The following ARHGEF26 variants were observed in gnomAD, a reference collection of about 807,000 sequenced individuals.
ARHGEF26 encodes the protein Rho guanine nucleotide exchange factor (GEF) 26.
Under a neutral mutation model 89.4 loss-of-function variants are expected in ARHGEF26, and 59 were observed. That is an observed-to-expected ratio of 0.66 (90% confidence interval 0.54 to 0.82). The LOEUF (loss-of-function observed/expected upper bound fraction) is 0.82. Among genes scored for constraint, ARHGEF26 ranks in the 40% least tolerant of loss-of-function variants. The pLI, the probability that ARHGEF26 is intolerant of heterozygous loss-of-function variation, is 0.00. For synonymous variants in ARHGEF26, 500 were observed against 428.4 expected, an observed-to-expected ratio of 1.17 and a Z score of -2.06; for missense variants, 1,234 against 1,085.6, an observed-to-expected ratio of 1.14 and a Z score of -1.92.
At chr3:154,131,103 A>G (rs1049828702) in intron 4 of ARHGEF26, among the ~76,000 whole-genome samples, 1 of 152,182 alleles carries the variant, frequency 6.6e-6, no homozygotes, top group Non-Finnish European at 1.5e-5. Flanking sequence ...CCTTATGATT[A>G]TGCCAAAAAT....
At chr3:154,164,312 G>A (rs1378755583) in intron 6 of ARHGEF26, among the ~76,000 whole-genome samples, 3 of 151,960 alleles carry the variant, frequency 2.0e-5, no homozygotes, top group African/African-American at 4.8e-5. Flanking sequence ...TATTAATTCA[G>A]TATATTATTA....
At chr3:154,204,246 T>C (rs1714856718) in intron 9 of ARHGEF26, among the ~76,000 whole-genome samples, 2 of 150,826 alleles carry the variant, frequency 1.3e-5, no homozygotes, top group Admixed American at 1.3e-4. Flanking sequence ...TATGGGAATT[T>C]TCCATTTCCT....
chr3:154,208,650 T>G (rs538056883), intron 9 of ARHGEF26, among the ~76,000 whole-genome samples: 9 of 152,116 alleles, frequency 5.9e-5, no homozygotes, highest in Admixed American at 4.6e-4. Context: ...TTCTGTTATC[T>G]CCTCTGACTG....
chr3:154,138,592 A>G (rs1173904999), intron 4 of ARHGEF26, among the ~76,000 whole-genome samples: 2 of 152,194 alleles, frequency 1.3e-5, no homozygotes, highest in African/African-American at 4.8e-5. Flanking sequence ...GCCCGAGGGT[A>G]GGCAGAGATC....
intron 9 of ARHGEF26, among the ~76,000 whole-genome samples, chr3:154,197,609 C>T (rs1714370847): frequency 6.6e-6 from 1 of 152,128 alleles, no homozygotes; most frequent in Non-Finnish European, 1.5e-5. Flanking sequence ...AGTTTATTTG[C>T]AAGATGCGAA....
chr3:154,149,936 A>AAC (rs1434520775), intron 5 of ARHGEF26, among the ~76,000 whole-genome samples: 1 of 151,836 alleles, frequency 6.6e-6, no homozygotes, highest in East Asian at 1.9e-4. Context: ...AAAAAAAAAA[A>AAC]AAACAGGTTA....
intron 4 of ARHGEF26, among the ~76,000 whole-genome samples, chr3:154,141,683 T>G (rs965653623): frequency 6.6e-6 from 1 of 152,240 alleles, no homozygotes; most frequent in Non-Finnish European, 1.5e-5. Context: ...AACCAGTATG[T>G]GTGTCTGAAT....
chr3:154,147,196 G>A (rs1719753561), intron 4 of ARHGEF26, among the ~76,000 whole-genome samples: 1 of 152,166 alleles, frequency 6.6e-6, no homozygotes, highest in South Asian at 2.1e-4. Context: ...CCTGAGGTCA[G>A]GAGTTCCAGA....
chr3:154,244,312 A>G (rs1717664428), intron 12 of ARHGEF26, among the ~76,000 whole-genome samples: 1 of 152,214 alleles, frequency 6.6e-6, no homozygotes, highest in South Asian at 2.1e-4. Context: ...TCAACTTCAT[A>G]AGACAGTGAA....
chr3:154,157,665 T>C (rs1711499264), intron 6 of ARHGEF26, among the ~76,000 whole-genome samples: 1 of 152,124 alleles, frequency 6.6e-6, no homozygotes, highest in Admixed American at 6.6e-5. Context: ...ATATGGACTC[T>C]TGAGGACTTG....
chr3:154,129,188 G>T (rs1354106943), intron 3 of ARHGEF26, among the ~76,000 whole-genome samples: 1 of 151,998 alleles, frequency 6.6e-6, no homozygotes, highest in African/African-American at 2.4e-5. Context: ...TCAGCCCTTG[G>T]CACGTCATAG....
chr3:154,149,690 A>G (rs1719901758), intron 5 of ARHGEF26, among the ~76,000 whole-genome samples: 3 of 152,328 alleles, frequency 2.0e-5, no homozygotes, highest in East Asian at 3.9e-4. Flanking sequence ...CACCTAGTTC[A>G]GGTATTTAAA....
chr3:154,156,560 T>C (rs1349514388), intron 6 of ARHGEF26, among the ~76,000 whole-genome samples: 2 of 152,184 alleles, frequency 1.3e-5, no homozygotes, highest in Admixed American at 6.5e-5. Flanking sequence ...GTTCAGCTTT[T>C]ACATGATAAC....
chr3:154,182,867 G>C (rs940208131), intron 6 of ARHGEF26, among the ~76,000 whole-genome samples: 1 of 151,976 alleles, frequency 6.6e-6, no homozygotes, highest in Non-Finnish European at 1.5e-5. Flanking sequence ...GCTTGCTGTT[G>C]GTTTTGTTTT....
In ARHGEF26 at chr3:154,240,233, A is replaced by G. The variant is rs576855620; in HGVS notation, c.2091-137A>G. On this transcript the variant is annotated intron_variant, in intron 11 of 14. Transcript: ENST00000465093. ...GTAGATAGAATTCAAATTCCAATTC[A>G]TAGTTTAAAATAAGTCATTCTTTCC... 4.8e-5 allele frequency: 30 copies of G among 624,272 alleles called. No homozygotes were observed. In the South Asian group the frequency reaches 5.7e-4, roughly 12 times the overall value. 38.7% of individuals were successfully genotyped at this position (624,272 alleles called of 1,614,324 possible).
intron 6 of ARHGEF26, among the ~76,000 whole-genome samples, chr3:154,172,943 A>G (rs1396180631): frequency 6.6e-6 from 1 of 152,158 alleles, no homozygotes. Flanking sequence ...CTGTGCTGTA[A>G]AATTGTTGAC....
At chr3:154,192,303 A>G (rs1269481688) in intron 8 of ARHGEF26, among the ~76,000 whole-genome samples, 1 of 152,264 alleles carries the variant, frequency 6.6e-6, no homozygotes, top group Admixed American at 6.5e-5. Flanking sequence ...ATTAAAAATT[A>G]TGATTAAGGT....
intron 9 of ARHGEF26, among the ~76,000 whole-genome samples, chr3:154,201,948 G>T: frequency 6.6e-6 from 1 of 151,282 alleles, no homozygotes. Flanking sequence ...CTCCCATTTT[G>T]TAGGTTGCCT....
In ARHGEF26 at chr3:154,163,093, T is replaced by G. The variant is rs141657554; in HGVS notation, c.1487+10161T>G. ...TTGTCTTACTTGTTTTTACTTCTCTTTCTTAAATGTATATCTAGCTTACAT... is the reference window on the plus strand; with the variant it reads ...TTGTCTTACTTGTTTTTACTTCTCTGTCTTAAATGTATATCTAGCTTACAT... On this transcript the variant is annotated intron_variant, in intron 6 of 14. Coordinates refer to ENST00000465093, the MANE Select transcript of ARHGEF26 (RefSeq NM_015595.4). Among the ~76,000 whole-genome samples the G allele has an allele frequency of 2.4e-4, 36 of 152,306 alleles. 1 individual carries two copies. In the East Asian group the frequency reaches 7.0e-3, roughly 29 times the overall value.
Sources: allele counts gnomAD v4.1 joint callset (sites outside exome capture counted in the v4.1 genomes callset), GRCh38; gene constraint gnomAD v4.1.1; transcripts MANE v1.5; gene names NCBI Gene and HGNC (gene_info 2026-07-23, HGNC 2026-07-21).